Variants in NTM observed in about 807,000 individuals in gnomAD.
The protein encoded by NTM is neurotrimin.
In NTM, 13 loss-of-function variants were observed where a neutral mutation model predicts 42.1. That is an observed-to-expected ratio of 0.31 (90% CI 0.20 to 0.49). NTM has a LOEUF of 0.49. NTM is among the 20% of genes least tolerant of loss of function. The pLI is 0.99. For missense variants in NTM, 373 were observed against 452.8 expected (o/e 0.82, Z 1.60); for synonymous variants, 187 against 179.2 (o/e 1.04, Z -0.35).
At chr11:131,977,814 C>T (rs533132051) in intron 2 of NTM, among the ~76,000 whole-genome samples, 37 of 152,292 alleles carry the variant, frequency 2.4e-4, no homozygotes, top group African/African-American at 8.4e-4. Context: ...GGAAACAAGT[C>T]TCCATTCTCA....
chr11:131,822,377 A>G (rs892863181), intron 1 of NTM, among the ~76,000 whole-genome samples: 4 of 152,220 alleles, frequency 2.6e-5, no homozygotes, highest in Non-Finnish European at 5.9e-5. Flanking sequence ...TGTTAAAAAC[A>G]ACAATGTTTT....
intron 1 of NTM, among the ~76,000 whole-genome samples, chr11:131,772,548 C>A (rs937038429): frequency 6.6e-6 from 1 of 152,156 alleles, no homozygotes; most frequent in Non-Finnish European, 1.5e-5. Flanking sequence ...GAAAACAGGA[C>A]TTCAGCCTTG....
chr11:131,800,865 T>C (rs1007893073), intron 1 of NTM, among the ~76,000 whole-genome samples: 1 of 152,198 alleles, frequency 6.6e-6, no homozygotes, highest in Non-Finnish European at 1.5e-5. Context: ...GAAATGGAGT[T>C]GAAATTGTCC....
At chr11:131,563,020 A>T (rs2056430742) in intron 1 of NTM, among the ~76,000 whole-genome samples, 1 of 152,154 alleles carries the variant, frequency 6.6e-6, no homozygotes, top group African/African-American at 2.4e-5. Flanking sequence ...AGGCTCTGTC[A>T]TTTCCATCTC....
chr11:131,842,584 C>T (rs2044393636), intron 1 of NTM, among the ~76,000 whole-genome samples: 1 of 152,028 alleles, frequency 6.6e-6, no homozygotes, highest in African/African-American at 2.4e-5. Flanking sequence ...TCAACGCATC[C>T]AGGACAAAAA....
intron 1 of NTM, among the ~76,000 whole-genome samples, chr11:131,383,180 T>C (rs894539197): frequency 9.9e-5 from 15 of 152,254 alleles, no homozygotes; most frequent in African/African-American, 3.6e-4. Context: ...TCATTGAATC[T>C]AATGATAAAA....
At chr11:131,656,919 A>G (rs916133770) in intron 1 of NTM, among the ~76,000 whole-genome samples, 1 of 151,992 alleles carries the variant, frequency 6.6e-6, no homozygotes, top group Non-Finnish European at 1.5e-5. Context: ...AGTTTGACCG[A>G]GTCATCTGTG....
intron 1 of NTM, among the ~76,000 whole-genome samples, chr11:131,705,099 G>A (rs2076461803): frequency 6.6e-6 from 1 of 151,912 alleles, no homozygotes; most frequent in South Asian, 2.1e-4. Flanking sequence ...ATCTGGAGAG[G>A]GAAATGAACA....
At chr11:131,609,784 T>C (rs1167070575) in intron 1 of NTM, among the ~76,000 whole-genome samples, 1 of 152,196 alleles carries the variant, frequency 6.6e-6, no homozygotes, top group Non-Finnish European at 1.5e-5. Flanking sequence ...TTCTACCCAG[T>C]CCCTAGTTCA....
chr11:131,383,394 C>T (rs1942935973), intron 1 of NTM, among the ~76,000 whole-genome samples: 1 of 152,132 alleles, frequency 6.6e-6, no homozygotes, highest in African/African-American at 2.4e-5. Flanking sequence ...GCTATGGCAG[C>T]ATTTGGGAGA....
intron 1 of NTM, among the ~76,000 whole-genome samples, chr11:131,753,492 C>A (rs1170821565): frequency 6.6e-6 from 1 of 151,934 alleles, no homozygotes; most frequent in Non-Finnish European, 1.5e-5. Flanking sequence ...GGAACCAACC[C>A]AAATGTCCAA....
At chr11:132,169,561 C>T (rs1482531292) in intron 3 of NTM, among the ~76,000 whole-genome samples, 2 of 151,454 alleles carry the variant, frequency 1.3e-5, no homozygotes, top group East Asian at 3.9e-4. Context: ...GGTCTTGATC[C>T]CTGAGCTCAT....
chr11:131,480,498 C>T (rs184464700), intron 1 of NTM, among the ~76,000 whole-genome samples: 2 of 152,316 alleles, frequency 1.3e-5, no homozygotes, highest in East Asian at 3.9e-4. Context: ...ACGAAACTCA[C>T]GTGCAGCTTG....
chr11:132,260,760 GCAT>G (rs2092798988), intron 4 of NTM, among the ~76,000 whole-genome samples: 1 of 152,190 alleles, frequency 6.6e-6, no homozygotes, highest in South Asian at 2.1e-4. Context: ...CGTCTCCGGG[GCAT>G]GGCCTAAAAC....
chr11:131,453,731 T>G (rs1950657870), intron 1 of NTM, among the ~76,000 whole-genome samples: 1 of 152,160 alleles, frequency 6.6e-6, no homozygotes, highest in Non-Finnish European at 1.5e-5. Flanking sequence ...CACGTCCATA[T>G]GGAAAGCAGG....
chr11:131,974,840 A>G (rs2064079130), intron 2 of NTM, among the ~76,000 whole-genome samples: 1 of 152,196 alleles, frequency 6.6e-6, no homozygotes, highest in Non-Finnish European at 1.5e-5. Context: ...AGTCTGACCT[A>G]CAAAACTTTC....
At chr11:131,532,439 T>C (rs188641260) in intron 1 of NTM, among the ~76,000 whole-genome samples, 2 of 152,352 alleles carry the variant, frequency 1.3e-5, no homozygotes, top group Admixed American at 1.3e-4. Flanking sequence ...AGTGTATGCA[T>C]ATATCACATT....
At chr11:131,716,647 T>G (rs566118276) in intron 1 of NTM, among the ~76,000 whole-genome samples, 3 of 152,188 alleles carry the variant, frequency 2.0e-5, no homozygotes. Flanking sequence ...TTTCCAACCA[T>G]GTGTCTTTTT....
chr11:131,748,150 A>C (rs141398317), intron 1 of NTM, among the ~76,000 whole-genome samples: 2,854 of 152,340 alleles, frequency 0.019, 30 homozygotes, highest in Non-Finnish European at 0.028. Flanking sequence ...ATAGTCACTC[A>C]ACCAAGTCTG....
Sources: allele counts gnomAD v4.1 joint callset (sites outside exome capture counted in the v4.1 genomes callset), GRCh38; gene constraint gnomAD v4.1.1; transcripts MANE v1.5; gene names NCBI Gene and HGNC (gene_info 2026-07-23, HGNC 2026-07-21).